The following ZBED1 variants were observed in gnomAD, a reference collection of about 807,000 sequenced individuals.
ZBED1 encodes E3 SUMO-protein ligase ZBED1.
A neutral mutation model predicts 49.7 loss-of-function variants in ZBED1; 19 were observed. The observed-to-expected ratio is 0.38, with a 90% CI of 0.27 to 0.56. The LOEUF (loss-of-function observed/expected upper bound fraction) is 0.56, where lower values mean the gene tolerates loss of function less well. Ranked by LOEUF, ZBED1 falls within the 20% of genes least tolerant of loss-of-function variation. The pLI, the probability that ZBED1 is intolerant of heterozygous loss-of-function variation, is 0.70. For synonymous variants in ZBED1, 439 were observed against 440.3 expected, an observed-to-expected ratio of 1.00 and a Z score of 0.04; for missense variants, 806 against 972.6, an observed-to-expected ratio of 0.83 and a Z score of 2.28.
intron 1 of ZBED1, among the ~76,000 whole-genome samples, chrX:2,498,727 C>T (rs2045342716): frequency 6.6e-6 from 1 of 152,036 alleles, no homozygotes; most frequent in Non-Finnish European, 1.5e-5. Context: ...ACCCCGGCCT[C>T]TTCTGCCAGG....
chrX:2,490,429 C>T lies in ZBED1; in HGVS notation c.291G>A (p.Leu97=). 1 of 1,613,968 alleles carries T rather than the reference C, an allele frequency of 6.2e-7. No homozygotes were observed. ...REAFATAFSK[L]KPESSQQPGQ... ...CGGGCTGCTGGGACGACTCGGGCTT[C>T]AGCTTGGAGAAGGCGGTGGCGAAGG... Residue 97 remains leucine, a synonymous_variant, in exon 2 of 2, where the codon CTG becomes CTA. Coordinates refer to ENST00000652001, the MANE Select transcript of ZBED1 (RefSeq NM_001171136.2).
intron 1 of ZBED1, among the ~76,000 whole-genome samples, chrX:2,493,276 G>A (rs781605992): frequency 2.6e-5 from 4 of 152,260 alleles, no homozygotes; most frequent in African/African-American, 7.2e-5. Context: ...GGCCTCCTAA[G>A]TCCGACCTGA....
intron 1 of ZBED1, among the ~76,000 whole-genome samples, chrX:2,491,436 C>T (rs1391823126): frequency 2.6e-5 from 4 of 152,132 alleles, no homozygotes; most frequent in Non-Finnish European, 4.4e-5. Flanking sequence ...GCACCTGCCA[C>T]GTGGGAAAGC....
At chrX:2,495,806 C>T (rs1490631730) in intron 1 of ZBED1, among the ~76,000 whole-genome samples, 1 of 152,068 alleles carries the variant, frequency 6.6e-6, no homozygotes, top group African/African-American at 2.4e-5. Context: ...CTCCCCAAAA[C>T]GCTCTCAGGG....
At position 2,489,132 on chromosome X, in the gene ZBED1, T is replaced by C. The variant is rs2045045472; in HGVS notation, c.1588A>G (p.Lys530Glu). The C allele has an allele frequency of 1.2e-6, 2 of 1,613,606 alleles. No individual in the cohort carries two copies. The highest frequency in any genetic ancestry group is 3.3e-5 in the Admixed American group (2 of 59,998). ...GGCGTGGATGTCCGCATGAGCTTCTTGACGGGAGGCTCCTCGGGCACCGGG... is the reference window on the plus strand; with the variant it reads ...GGCGTGGATGTCCGCATGAGCTTCTCGACGGGAGGCTCCTCGGGCACCGGG... Reference protein sequence around the residue: ...IFPVPEEPPVKKLMRTSTPPP... With the variant: ...IFPVPEEPPVEKLMRTSTPPP... Residue 530 changes from lysine to glutamate, a missense_variant, in exon 2 of 2, where the codon AAG becomes GAG. Transcript: ENST00000652001.
At chrX:2,499,362 G>C (rs1427447066) in intron 1 of ZBED1, among the ~76,000 whole-genome samples, 1 of 151,170 alleles carries the variant, frequency 6.6e-6, no homozygotes, top group Non-Finnish European at 1.5e-5. Context: ...CCCTCTGAAC[G>C]CTCTGTTTTG....
At chrX:2,493,534 A>AT (rs750634399) in intron 1 of ZBED1, among the ~76,000 whole-genome samples, 4 of 151,670 alleles carry the variant, frequency 2.6e-5, no homozygotes, top group Admixed American at 1.3e-4. Context: ...TTTCAATTCC[A>AT]TTATTATTAT....
rs760584222 is a variant in ZBED1 at position 2,489,437 on chromosome X, A to G, written c.1283T>C (p.Met428Thr). The G allele has an allele frequency of 9.9e-6, 16 of 1,613,852 alleles. No homozygotes were observed. The South Asian group carries it at 1.8e-4, about 18-fold the overall frequency. ...GATGTTGAGCGTGGTGTTCAGGAGC[A>G]TGTGCAGCAGCGGCTTCACCATGCT... is the stretch of plus-strand genomic sequence containing the variant. ...TISMVKPLLH[M>T]LLNTTLNIKE... Residue 428 changes from methionine to threonine, a missense_variant, in exon 2 of 2, where the codon ATG becomes ACG. Around this residue, in one of 2 missense-constraint regions of ZBED1, gnomAD observed 749 missense variants for 861.3 expected, o/e 0.87. Transcript: ENST00000652001.
Position 2,489,512 on chromosome X carries a change from G to T in ZBED1, c.1208C>A (p.Pro403His), listed in dbSNP as rs1569345124. The change falls in exon 2 of 2, where the codon CCC (proline) becomes CAC (histidine). Residue 403 changes from proline (P) to histidine (H), a missense_variant. By Grantham distance (77) the Pro-to-His change is moderately conservative. Coordinates refer to ENST00000652001, the MANE Select transcript of ZBED1 (RefSeq NM_001171136.2). ...TIEGLVELLQ[P>H]FKQVAEMLSA... ...CAGCATCTCGGCCACCTGCTTGAAG[G>T]GCTGCAGGAGCTCCACCAGCCCCTC... The T allele has an allele frequency of 1.2e-6, 2 of 1,613,134 alleles. No individual in the cohort carries two copies.
At position 2,489,847 on chromosome X, in the gene ZBED1, C is replaced by T. The variant is rs2045077722; in HGVS notation, c.873G>A (p.Leu291=). The T allele has an allele frequency of 1.2e-6, 2 of 1,613,732 alleles. No homozygotes were observed. The highest frequency in any genetic ancestry group is 4.5e-5 in the East Asian group (2 of 44,880). Residue 291 remains leucine, a synonymous_variant, in exon 2 of 2, where the codon CTG becomes CTA. Transcript: ENST00000652001. ...GGATGCCGGCATTGAAGGTGTGGCCCAGGCAGGGCATGTGCACTGCGACGT... is the reference window on the plus strand; with the variant it reads ...GGATGCCGGCATTGAAGGTGTGGCCTAGGCAGGGCATGTGCACTGCGACGT... The part of the protein sequence containing the change: ...LLDVAVHMPC[L]GHTFNAGIQQ...
In ZBED1 at chrX:2,488,861, C is replaced by T. The variant is rs143351418; in HGVS notation, c.1859G>A (p.Arg620His). 21 of 1,613,116 alleles carry T rather than the reference C, an allele frequency of 1.3e-5. No individual in the cohort carries two copies. The highest frequency in any genetic ancestry group is 3.3e-5 in the South Asian group (3 of 90,992). ...CVTATRVAPE[R>H]LFGSAANVVS... Reference sequence around the variant, plus strand: ...CACGTTGGCGGCGGATCCGAAGAGACGCTCAGGGGCGACGCGCGTGGCCGT... The same window carrying T: ...CACGTTGGCGGCGGATCCGAAGAGATGCTCAGGGGCGACGCGCGTGGCCGT... Residue 620 changes from arginine (R) to histidine (H), a missense_variant, in exon 2 of 2, where the codon CGT becomes CAT. Physicochemically the swap from Arg to His is conservative, Grantham distance 29 (BLOSUM62 0). This residue lies in a region of ZBED1 where 749 missense variants were observed against 861.3 expected (regional missense o/e 0.87). Coordinates refer to ENST00000652001, the MANE Select transcript of ZBED1 (RefSeq NM_001171136.2).
chrX:2,489,255 C>T lies in ZBED1; in HGVS notation c.1465G>A (p.Glu489Lys), dbSNP rs1291553883. 1.9e-6 allele frequency: 3 copies of T among 1,613,916 alleles called. No homozygotes were observed. Among genetic ancestry groups the T allele is most frequent in the East Asian group, 2.2e-5 (1 of 44,874 alleles). The change falls in exon 2 of 2, where the codon GAG becomes AAG. Residue 489 changes from glutamate to lysine, a missense_variant. Glu to Lys is a moderately conservative substitution (Grantham distance 56). Around this residue, in one of 2 missense-constraint regions of ZBED1, gnomAD observed 749 missense variants for 861.3 expected, o/e 0.87. Coordinates refer to ENST00000652001, the MANE Select transcript of ZBED1 (RefSeq NM_001171136.2). ...YKRLPFLSAF[E>K]RQQVENRVVE... is the part of the protein sequence containing the mutation. ...ACGCGATTCTCCACCTGCTGCCGCT[C>T]GAAGGCGGAGAGGAAGGGCAGCCTC...
At position 2,489,996 on chromosome X, in the gene ZBED1, T is replaced by C. The variant is rs2045085317; in HGVS notation, c.724A>G (p.Asn242Asp). 6.2e-7 allele frequency: 1 copy of C among 1,613,748 alleles called. No individual in the cohort carries two copies. Among genetic ancestry groups the C allele is most frequent in the Non-Finnish European group, 8.5e-7 (1 of 1,179,868 alleles). The stretch of plus-strand genomic sequence containing the variant: ...ACTCGCGTGATGGTCTCCGCCGTGT[T>C]CTCTTCGGGCACCTCGAAGGTCTTC... ...CLKTFEVPEE[N>D]TAETITRVLY... Residue 242 changes from asparagine to aspartate, a missense_variant, in exon 2 of 2, where the codon AAC becomes GAC. Physicochemically the swap from Asn to Asp is conservative, Grantham distance 23. Coordinates refer to ENST00000652001, the MANE Select transcript of ZBED1 (RefSeq NM_001171136.2).
intron 1 of ZBED1, among the ~76,000 whole-genome samples, chrX:2,496,400 T>C: frequency 6.6e-6 from 1 of 152,208 alleles, no homozygotes; most frequent in East Asian, 1.9e-4. Context: ...GGTTCCACTG[T>C]ATTGCCCAGA....
At chrX:2,493,867 G>C (rs745469856) in intron 1 of ZBED1, among the ~76,000 whole-genome samples, 27 of 152,222 alleles carry the variant, frequency 1.8e-4, no homozygotes, top group African/African-American at 6.0e-4. Flanking sequence ...AGCTACTCGG[G>C]AGGCTGAGGC....
In ZBED1 at chrX:2,488,674, G is replaced by A. The variant is rs755208886; in HGVS notation, c.2046C>T (p.Ser682=). 1.2e-5 allele frequency: 20 copies of A among 1,611,948 alleles called. No individual in the cohort carries two copies. Among genetic ancestry groups the A allele is most frequent in the Admixed American group, 8.4e-5 (5 of 59,492 alleles). ...TGTCCCTAATGCCAAAGAAACCGCC[G>A]CTGACGCCATCCCCCAAGGAGAACA... ...EQVFSLGDGV[S]GGFFGIRDSS... is the part of the protein sequence containing the mutation. The change falls in exon 2 of 2, where the codon AGC becomes AGT. Residue 682 remains serine (S), a synonymous_variant. Transcript: ENST00000652001.
At chrX:2,500,244 T>G (rs1569352219) in intron 1 of ZBED1, 1 of 155,350 alleles carries the variant, frequency 6.4e-6, no homozygotes, top group East Asian at 1.8e-4. Flanking sequence ...GGCTCCCCAG[T>G]GCCCGAGAAG....
intron 1 of ZBED1, among the ~76,000 whole-genome samples, chrX:2,493,505 C>A (rs2045210394): frequency 6.6e-6 from 1 of 151,310 alleles, no homozygotes; most frequent in African/African-American, 2.4e-5. Context: ...GAAAGCGGTT[C>A]TGGAACCTGA....
intron 1 of ZBED1, among the ~76,000 whole-genome samples, chrX:2,498,436 G>A (rs2045332256): frequency 6.6e-6 from 1 of 152,074 alleles, no homozygotes. Context: ...TCCTCCACTG[G>A]TATCGAAAAT....
Sources: gnomAD v4.1 joint callset for allele counts (sites outside exome capture counted in the v4.1 genomes callset) on GRCh38, gnomAD v4.1.1 for gene constraint, gnomAD v4.1.1 regional missense constraint, MANE v1.5 for transcripts, NCBI Gene and HGNC (gene_info 2026-07-23, HGNC 2026-07-21) for gene names.